Variants in TSPOAP1 observed in about 807,000 individuals in gnomAD.
TSPOAP1 encodes TSPO associated protein 1.
A neutral mutation model predicts 197.0 loss-of-function variants in TSPOAP1; 87 were observed. The ratio of observed to expected loss-of-function variants is 0.44; its 90% CI spans 0.37 to 0.53. The LOEUF (loss-of-function observed/expected upper bound fraction) is 0.53. TSPOAP1 is among the 20% of genes least tolerant of loss of function. The pLI, the probability that TSPOAP1 is intolerant of heterozygous loss-of-function variation, is 0.00. For synonymous variants in TSPOAP1, 913 were observed against 998.9 expected (o/e 0.91, Z 1.62); for missense variants, 2,174 against 2,411.3 (o/e 0.90, Z 2.06).
chr17:58,317,208 C>G (rs1284519796), intron 14 of TSPOAP1, among the ~76,000 whole-genome samples: 3 of 152,020 alleles, frequency 2.0e-5, no homozygotes, highest in Non-Finnish European at 4.4e-5. Flanking sequence ...AACAAACAAA[C>G]AAACAAACAA....
chr17:58,325,790 G>A (rs1598084839), intron 3 of TSPOAP1, 77 bp from the exon 4 acceptor site: 5 of 1,475,992 alleles, frequency 3.4e-6, no homozygotes, highest in East Asian at 2.3e-5. Flanking sequence ...CCTCCCAAAG[G>A]AGGAGTTAGC....
chr17:58,314,362 C>T (rs1438299375), intron 16 of TSPOAP1, among the ~76,000 whole-genome samples: 1 of 152,308 alleles, frequency 6.6e-6, no homozygotes, highest in East Asian at 1.9e-4. Flanking sequence ...GAAAAAGCGT[C>T]TTTGCAGATG....
rs1443347325 is a variant in TSPOAP1, at chr17:58,310,998, T to C, written c.3297A>G (p.Arg1099=). 6.2e-7 allele frequency: 1 copy of C among 1,600,228 alleles called. No individual in the cohort carries two copies. Residue 1099 remains arginine, a synonymous_variant, in exon 19 of 32, where the codon AGA becomes AGG. Transcript: ENST00000343736. ...CPSPHPSPEA[R]APLASASPGP... ...CTGGGGAGGCTGAAGCAAGGGGCGC[T>C]CTGGCCTCTGGGCTTGGGTGCGGTG...
In TSPOAP1 at chr17:58,310,052, T is replaced by G. The variant is rs1220345320; in HGVS notation, c.3806A>C (p.Glu1269Ala). The change falls in exon 21 of 32, where the codon GAG becomes GCG. Residue 1269 changes from glutamate to alanine, a missense_variant. Glu to Ala is a moderately radical substitution (Grantham distance 107, BLOSUM62 -1). Transcript: ENST00000343736. ...GGAACCCAGCTCCTCTTCCTCCTCCTCCTCCTCCTCTTCCTCTTCCTCCTG... is the reference window on the plus strand; with the variant it reads ...GGAACCCAGCTCCTCTTCCTCCTCCGCCTCCTCCTCTTCCTCTTCCTCCTG... ...DIQEEEEEEE[E>A]EEEEELGSRT... The G allele has an allele frequency of 6.2e-7, 1 of 1,613,482 alleles. No individual in the cohort carries two copies. The highest frequency in any genetic ancestry group is 8.5e-7 in the Non-Finnish European group (1 of 1,180,032).
chr17:58,325,012 G>GGGGACA lies in TSPOAP1; in HGVS notation c.751-16_751-11dup. On this transcript the variant is annotated splice_polypyrimidine_tract_variant and intron_variant, in intron 4 of 31. Coordinates refer to ENST00000343736, the MANE Select transcript of TSPOAP1 (RefSeq NM_004758.4). ...GCCACTGGGGACCCTCCTGAGGTTG[G>GGGGACA]GGGACAGGGACAGGGAGGGGACTCA... is the stretch of plus-strand genomic sequence containing the variant. The GGGGACA allele has an allele frequency of 6.6e-7, 1 of 1,519,200 alleles. No individual in the cohort carries two copies. The highest frequency in any genetic ancestry group is 2.3e-4 in the Middle Eastern group (1 of 4,260). The allele number at this position is 1,519,200 out of a possible 1,614,324, so 94.1% of individuals were successfully genotyped here. A position where few individuals can be genotyped will look rare whatever the true frequency, so the allele number is the denominator to read the frequency against.
chr17:58,327,396 A>G (rs1971667500), intron 1 of TSPOAP1, among the ~76,000 whole-genome samples, 192 bp downstream of exon 1: 1 of 152,350 alleles, frequency 6.6e-6, no homozygotes, highest in South Asian at 2.1e-4. Context: ...ACAAATGACG[A>G]AAGAAATGGA....
At position 58,326,730 on chromosome 17, in the gene TSPOAP1, C is replaced by T; in HGVS notation, c.394G>A (p.Glu132Lys). Reference protein sequence around the residue: ...PNLELLRALGELRQRCAILKE... With the variant: ...PNLELLRALGKLRQRCAILKE... ...AGGATGGCACAGCGCTGCCGCAGCT[C>T]CCCCAGGGCCCTCAGCAGCTCCAGA... Residue 132 changes from glutamate to lysine, a missense_variant, in exon 2 of 32, where the codon GAG becomes AAG. Around this residue, in one of 5 missense-constraint regions of TSPOAP1, gnomAD observed 1,933 missense variants for 2,139.0 expected, o/e 0.90. Transcript: ENST00000343736. This position sits in a 1 kb window ranked among gnomAD's most constrained non-coding sequence, Gnocchi z 4.7. The T allele has an allele frequency of 6.2e-7, 1 of 1,614,108 alleles. No individual in the cohort carries two copies. Among genetic ancestry groups the T allele is most frequent in the African/African-American group, 1.3e-5 (1 of 75,042 alleles).
Position 58,312,032 on chromosome 17 carries a change from G to C in TSPOAP1, c.2789C>G (p.Ala930Gly). 1 of 1,613,576 alleles carries C rather than the reference G, an allele frequency of 6.2e-7. No individual in the cohort carries two copies. The highest frequency in any genetic ancestry group is 8.5e-7 in the Non-Finnish European group (1 of 1,179,960). ...CPPASPSTYW[A>G]TFCHLRPGTP... Reference sequence around the variant, plus strand: ...GCCAGGCCGTAAGTGGCAGAAGGTGGCCCAGTAGGTACTGGGGCTGGCAGG... The same window carrying C: ...GCCAGGCCGTAAGTGGCAGAAGGTGCCCCAGTAGGTACTGGGGCTGGCAGG... The change falls in exon 17 of 32, where the codon GCC (alanine) becomes GGC (glycine). Residue 930 changes from alanine to glycine, a missense_variant. Coordinates refer to ENST00000343736, the MANE Select transcript of TSPOAP1 (RefSeq NM_004758.4).
intron 27 of TSPOAP1, 73 bp downstream of exon 27, chr17:58,305,760 A>G (rs767946156): frequency 1.6e-5 from 25 of 1,574,628 alleles, no homozygotes; most frequent in African/African-American, 2.7e-5. Context: ...GCTGTAGCCA[A>G]TGGGGCGAGG....
rs372719599 is a variant in TSPOAP1, at chr17:58,302,407, C to T, written c.*73G>A. ...GCCAGAGCTGGGGGTACAAGGCCCA[C>T]CTGGGGGCCCTGGGGACCCTTGTGT... On this transcript the variant is annotated 3_prime_UTR_variant, in exon 32 of 32. Coordinates refer to ENST00000343736, the MANE Select transcript of TSPOAP1 (RefSeq NM_004758.4). 4.2e-5 allele frequency: 54 copies of T among 1,280,896 alleles called. No homozygotes were observed. Among genetic ancestry groups the T allele is most frequent in the African/African-American group, 3.4e-4 (22 of 65,530 alleles). 79.3% of individuals were successfully genotyped at this position (1,280,896 alleles called of 1,614,324 possible). A position where few individuals can be genotyped will look rare whatever the true frequency, so the allele number is the denominator to read the frequency against.
chr17:58,307,047 C>T lies in TSPOAP1; in HGVS notation c.4984-79G>A, dbSNP rs1416845952. On this transcript the variant is annotated intron_variant, in intron 24 of 31. Coordinates refer to ENST00000343736, the MANE Select transcript of TSPOAP1 (RefSeq NM_004758.4). ...GGCCCCGAACCCCAGCAACACCCCACTTGGAAATGCAGAAGAATGTTCTCC... is the reference window on the plus strand; with the variant it reads ...GGCCCCGAACCCCAGCAACACCCCATTTGGAAATGCAGAAGAATGTTCTCC... 7.0e-6 allele frequency: 10 copies of T among 1,435,586 alleles called. No individual in the cohort carries two copies. The South Asian group carries it at 1.2e-4, about 18-fold the overall frequency. 88.9% of individuals were successfully genotyped at this position (1,435,586 alleles called of 1,614,324 possible). A position where few individuals can be genotyped will look rare whatever the true frequency, so the allele number is the denominator to read the frequency against.
chr17:58,325,017 C>A lies in TSPOAP1; in HGVS notation c.751-15G>T. The stretch of plus-strand genomic sequence containing the variant: ...TGGGGACCCTCCTGAGGTTGGGGGA[C>A]AGGGACAGGGAGGGGACTCAGGCCT... On this transcript the variant is annotated splice_polypyrimidine_tract_variant and intron_variant, in intron 4 of 31. Coordinates refer to ENST00000343736, the MANE Select transcript of TSPOAP1 (RefSeq NM_004758.4). 3 of 1,510,812 alleles carry A rather than the reference C, an allele frequency of 2.0e-6. No individual in the cohort carries two copies. The highest frequency in any genetic ancestry group is 2.7e-6 in the Non-Finnish European group (3 of 1,127,580). The allele number at this position is 1,510,812 out of a possible 1,614,324, so 93.6% of individuals were successfully genotyped here. A position where few individuals can be genotyped will look rare whatever the true frequency, so the allele number is the denominator to read the frequency against.
In TSPOAP1 at chr17:58,323,548, G is replaced by A. The variant is rs1361534160; in HGVS notation, c.943-3C>T. 1 of 1,613,592 alleles carries A rather than the reference G, an allele frequency of 6.2e-7. No homozygotes were observed. On this transcript the variant is annotated splice_region_variant and splice_polypyrimidine_tract_variant and intron_variant, in intron 5 of 31. Transcript: ENST00000343736. ...TCCGCATCCTCCTGGGGCGTGGCCT[G>A]GAAATGCCCAGGGGCAAGGGGCTGG...
At chr17:58,306,691 G>A in intron 25 of TSPOAP1, 109 bp downstream of exon 25, 1 of 1,359,202 alleles carries the variant, frequency 7.4e-7, no homozygotes, top group Non-Finnish European at 1.0e-6. Context: ...CCAAGGCTCT[G>A]CTAGAGTCTG....
At chr17:58,315,977 T>G in intron 16 of TSPOAP1, 46 bp downstream of exon 16, 1 of 1,435,946 alleles carries the variant, frequency 7.0e-7, no homozygotes, top group Non-Finnish European at 9.8e-7. Flanking sequence ...GAACATGGGC[T>G]CAAAGGCAGG....
intron 16 of TSPOAP1, among the ~76,000 whole-genome samples, chr17:58,313,254 G>A (rs143998331): frequency 5.6e-4 from 85 of 152,206 alleles, no homozygotes; most frequent in Middle Eastern, 6.8e-3. Flanking sequence ...GAAAACTTTT[G>A]TGTTAAAAAT....
Position 58,312,331 on chromosome 17 carries a change from C to A in TSPOAP1, c.2490G>T (p.Glu830Asp). ...CCCCAGGCCCCAGGGCCTGTCGCAG[C>A]TCCCCATTCACACAGATATGGAAGC... ...LHGFHICVNG[E>D]LRQALGPGAP... The change falls in exon 17 of 32, where the codon GAG becomes GAT. Residue 830 changes from glutamate to aspartate, a missense_variant. Glu to Asp is a conservative substitution (Grantham distance 45, BLOSUM62 2). Transcript: ENST00000343736. The A allele has an allele frequency of 6.2e-7, 1 of 1,612,736 alleles. No homozygotes were observed. The highest frequency in any genetic ancestry group is 1.1e-5 in the South Asian group (1 of 91,008).
chr17:58,304,306 A>G lies in TSPOAP1; in HGVS notation c.*32+32T>C, dbSNP rs1970803600. On this transcript the variant is annotated intron_variant, in intron 31 of 31. Coordinates refer to ENST00000343736, the MANE Select transcript of TSPOAP1 (RefSeq NM_004758.4). The surrounding 1 kb of genome is among the most constrained non-coding windows in gnomAD (Gnocchi z 4.2). Reference sequence around the variant, plus strand: ...TCTGATTATGGTCAAGTGGGGGTGGACGGTCACACAGGGGGGCAGTCCCCC... The same window carrying G: ...TCTGATTATGGTCAAGTGGGGGTGGGCGGTCACACAGGGGGGCAGTCCCCC... 1.9e-6 allele frequency: 3 copies of G among 1,584,006 alleles called. No individual in the cohort carries two copies. Among genetic ancestry groups the G allele is most frequent in the Non-Finnish European group, 2.6e-6 (3 of 1,153,358 alleles).
chr17:58,312,098 T>C lies in TSPOAP1; in HGVS notation c.2723A>G (p.Asn908Ser), dbSNP rs758611824. 6.2e-7 allele frequency: 1 copy of C among 1,613,368 alleles called. No homozygotes were observed. Among genetic ancestry groups the C allele is most frequent in the East Asian group, 2.2e-5 (1 of 44,884 alleles). Residue 908 changes from asparagine to serine, a missense_variant, in exon 17 of 32, where the codon AAC (asparagine) becomes AGC (serine). This residue lies in a region of TSPOAP1 where 1,933 missense variants were observed against 2,139.0 expected (regional missense o/e 0.90). Coordinates refer to ENST00000343736, the MANE Select transcript of TSPOAP1 (RefSeq NM_004758.4). The stretch of plus-strand genomic sequence containing the variant: ...ATTGAGGTAGATGGCATGGGCCAAG[T>C]TGCTATTGCCGGGCACCCAGGTGAT... ...AEITWVPGNSNLAHAIYLNGE... is the reference protein window; with the variant it reads ...AEITWVPGNSSLAHAIYLNGE...
Sources: allele counts gnomAD v4.1 joint callset (sites outside exome capture counted in the v4.1 genomes callset), GRCh38; gene constraint gnomAD v4.1.1; regional missense constraint gnomAD v4.1.1; non-coding constraint Gnocchi (gnomAD v3.1); transcripts MANE v1.5; gene names NCBI Gene and HGNC (gene_info 2026-07-23, HGNC 2026-07-21).